The following THSD7A variants were observed in gnomAD, a reference collection of about 807,000 sequenced individuals.
The protein encoded by THSD7A is thrombospondin type 1 domain containing 7A, also known as thrombospondin type-1 domain-containing protein 7A.
A neutral mutation model predicts 231.3 loss-of-function variants in THSD7A; 96 were observed. That is an observed-to-expected ratio of 0.41 (90% CI 0.35 to 0.49). The LOEUF is 0.49. THSD7A is among the 20% of genes least tolerant of loss of function. The probability of loss-of-function intolerance (pLI) is 0.05; values close to 1 mark genes in which losing one functional copy is unlikely to be tolerated. For synonymous variants in THSD7A, 940 were observed against 743.3 expected (o/e 1.26, Z -4.30); for missense variants, 2,290 against 2,070.2 (o/e 1.11, Z -2.06).
At chr7:11,399,207 A>T (rs1193464255) in intron 23 of THSD7A, among the ~76,000 whole-genome samples, 6 of 152,206 alleles carry the variant, frequency 3.9e-5, no homozygotes, top group Admixed American at 1.3e-4. Flanking sequence ...TATGTATTTC[A>T]TAGGTTTGAA....
intron 7 of THSD7A, among the ~76,000 whole-genome samples, chr7:11,476,922 A>T (rs926493206): frequency 1.1e-4 from 16 of 152,254 alleles, no homozygotes; most frequent in Admixed American, 5.9e-4. Context: ...TAAAAGTATG[A>T]TATAAATACT....
At chr7:11,486,079 T>A (rs1476256126) in intron 6 of THSD7A, among the ~76,000 whole-genome samples, 1 of 152,192 alleles carries the variant, frequency 6.6e-6, no homozygotes, top group East Asian at 1.9e-4. Context: ...GGTCAATGGC[T>A]ATTACAGGCA....
intron 1 of THSD7A, among the ~76,000 whole-genome samples, chr7:11,824,493 GC>G (rs1404288176): frequency 6.6e-6 from 1 of 152,010 alleles, no homozygotes; most frequent in Non-Finnish European, 1.5e-5. Context: ...TAGATTACGT[GC>G]CATCCTATTG....
rs558514120 is a variant in THSD7A, at chr7:11,733,980, T to G, written c.191-97019A>C. On this transcript the variant is annotated intron_variant, in intron 1 of 27. Transcript: ENST00000423059. ...TTCACAGACCCTTTTCCTTTTCACC[T>G]TCTTAAAGGCATATTTCTAGGGGCT... Among the ~76,000 whole-genome samples the G allele has an allele frequency of 8.6e-5, 13 of 152,008 alleles. No individual in the cohort carries two copies. In the South Asian group the frequency reaches 2.5e-3, roughly 29 times the overall value.
At chr7:11,569,908 C>T (rs1231689687) in intron 4 of THSD7A, among the ~76,000 whole-genome samples, 1 of 152,082 alleles carries the variant, frequency 6.6e-6, no homozygotes, top group African/African-American at 2.4e-5. Context: ...CACAGTGACT[C>T]ACATTGTAAT....
In THSD7A at chr7:11,412,649, C is replaced by T; in HGVS notation, c.3682+7G>A. On this transcript the variant is annotated splice_region_variant and intron_variant, in intron 18 of 27. Transcript: ENST00000423059. ...TTAACTCCGTGATCAGATGATGATCCATGTACCTGTTACATTATAATCATA... is the reference window on the plus strand; with the variant it reads ...TTAACTCCGTGATCAGATGATGATCTATGTACCTGTTACATTATAATCATA... 6.2e-7 allele frequency: 1 copy of T among 1,613,514 alleles called. No homozygotes were observed. The highest frequency in any genetic ancestry group is 8.5e-7 in the Non-Finnish European group (1 of 1,179,664).
chr7:11,464,306 C>A (rs893560169), intron 9 of THSD7A, among the ~76,000 whole-genome samples: 1 of 151,880 alleles, frequency 6.6e-6, no homozygotes, highest in Admixed American at 6.6e-5. Context: ...GGTCAAAATT[C>A]TTAGAGGCAA....
chr7:11,504,440 T>G (rs1787463566), intron 6 of THSD7A, among the ~76,000 whole-genome samples: 1 of 152,118 alleles, frequency 6.6e-6, no homozygotes, highest in Admixed American at 6.6e-5. Flanking sequence ...TGTGACATGT[T>G]TGTCTATATA....
In THSD7A at chr7:11,662,126, A is replaced by G. The variant is rs187566996; in HGVS notation, c.191-25165T>C. Among the ~76,000 whole-genome samples, 216 of 151,446 alleles carry G rather than the reference A, an allele frequency of 1.4e-3. 2 individuals carry two copies. Among genetic ancestry groups the G allele is most frequent in the South Asian group, 2.3e-3 (11 of 4,822 alleles). On this transcript the variant is annotated intron_variant, in intron 1 of 27. Coordinates refer to ENST00000423059, the MANE Select transcript of THSD7A (RefSeq NM_015204.3). ...ATGTATATTGAAACCAAAACACATG[A>G]ATTTACATCAAATGTAAGTTGAATG...
intron 2 of THSD7A, among the ~76,000 whole-genome samples, chr7:11,633,146 A>T (rs1781714900): frequency 6.6e-6 from 1 of 152,056 alleles, no homozygotes; most frequent in Non-Finnish European, 1.5e-5. Flanking sequence ...TTCTGTTTTT[A>T]AATTCTTTCT....
Position 11,375,659 on chromosome 7 carries a change from C to G in THSD7A, c.*135G>C. On this transcript the variant is annotated 3_prime_UTR_variant, in exon 28 of 28. Coordinates refer to ENST00000423059, the MANE Select transcript of THSD7A (RefSeq NM_015204.3). ...ATCTCCAGTGGCAGTATGATTTTCA[C>G]TCTTGTCTTTATGATGCCATTTTTA... 1 of 690,714 alleles carries G rather than the reference C, an allele frequency of 1.4e-6. No individual in the cohort carries two copies. The highest frequency in any genetic ancestry group is 2.8e-5 in the East Asian group (1 of 36,344). The allele number at this position is 690,714 out of a possible 1,614,324, so 42.8% of individuals were successfully genotyped here.
chr7:11,574,579 C>A (rs1428102307), intron 4 of THSD7A, among the ~76,000 whole-genome samples: 1 of 151,338 alleles, frequency 6.6e-6, no homozygotes, highest in Admixed American at 6.6e-5. Context: ...GGACTACAGG[C>A]GCCCACCACC....
intron 26 of THSD7A, chr7:11,378,117 C>G (rs894645724): frequency 1.3e-5 from 2 of 152,194 alleles, no homozygotes; most frequent in African/African-American, 4.8e-5. Flanking sequence ...AATATTTATT[C>G]TCCAATAAGG....
rs758123945 is a variant in THSD7A at position 11,424,715 on chromosome 7, C to G, written c.3364G>C (p.Val1122Leu). ...VNMRENCGEG[V>L]QTRKVRCMQN... ...TCTTACCTCACTTTTCGGGTTTGCA[C>G]GCCCTCTCCACAGTTCTCCCGCATA... The change falls in exon 16 of 28, where the codon GTG becomes CTG. Residue 1122 changes from valine (V) to leucine (L), a missense_variant. Physicochemically the swap from Val to Leu is conservative, Grantham distance 32 (BLOSUM62 1). Transcript: ENST00000423059. The G allele has an allele frequency of 1.2e-6, 2 of 1,613,942 alleles. No homozygotes were observed. The highest frequency in any genetic ancestry group is 2.7e-5 in the African/African-American group (2 of 75,030).
intron 1 of THSD7A, among the ~76,000 whole-genome samples, chr7:11,670,888 C>T (rs1783360707): frequency 6.6e-6 from 1 of 152,174 alleles, no homozygotes; most frequent in Non-Finnish European, 1.5e-5. Context: ...ACACCTTTGG[C>T]TAAATGCTTA....
chr7:11,731,482 GTTAC>G (rs1466630217), intron 1 of THSD7A, among the ~76,000 whole-genome samples: 3 of 151,584 alleles, frequency 2.0e-5, no homozygotes, highest in African/African-American at 7.2e-5. Flanking sequence ...ATGTCTCAGA[GTTAC>G]TAATAGAAGT....
chr7:11,533,642 A>C (rs1038095165), intron 6 of THSD7A, among the ~76,000 whole-genome samples: 2 of 152,188 alleles, frequency 1.3e-5, no homozygotes, highest in Non-Finnish European at 2.9e-5. Context: ...ACACAGGAAG[A>C]TAAAACCAAA....
In THSD7A at chr7:11,406,410, G is replaced by C. The variant is rs1458679785; in HGVS notation, c.4127C>G (p.Ala1376Gly). 1.2e-6 allele frequency: 2 copies of C among 1,613,876 alleles called. No homozygotes were observed. Among genetic ancestry groups the C allele is most frequent in the East Asian group, 4.5e-5 (2 of 44,868 alleles). Residue 1376 changes from alanine to glycine, a missense_variant, in exon 22 of 28, where the codon GCT becomes GGT. Physicochemically the swap from Ala to Gly is moderately conservative, Grantham distance 60 (BLOSUM62 0). Transcript: ENST00000423059. This position sits in a 1 kb window ranked among gnomAD's most constrained non-coding sequence, Gnocchi z 4.7. ...ATCCACCACTTTGCTGAAATCATCA[G>C]CTGACCCATCACTTACTACACAAGA... ...NISCVVSDGS[A>G]DDFSKVVDEE...
At chr7:11,459,355 G>T (rs1409823787) in intron 11 of THSD7A, among the ~76,000 whole-genome samples, 1 of 151,966 alleles carries the variant, frequency 6.6e-6, no homozygotes, top group African/African-American at 2.4e-5. Flanking sequence ...CAAAATATAT[G>T]CAAATCAATG....
Sources: allele counts gnomAD v4.1 joint callset (sites outside exome capture counted in the v4.1 genomes callset), GRCh38; gene constraint gnomAD v4.1.1; non-coding constraint Gnocchi (gnomAD v3.1); transcripts MANE v1.5; gene names NCBI Gene and HGNC (gene_info 2026-07-23, HGNC 2026-07-21).